The following CSMD1 variants were observed in gnomAD, a reference collection of about 807,000 sequenced individuals.
CSMD1 encodes CUB and Sushi multiple domains 1, also known as CUB and sushi domain-containing protein 1.
In CSMD1, 213 loss-of-function variants were observed where a neutral mutation model predicts 417.5. The ratio of observed to expected loss-of-function variants is 0.51; its 90% CI spans 0.46 to 0.57. The LOEUF is 0.57. Among genes scored for constraint, CSMD1 ranks in the 20% least tolerant of loss-of-function variants. CSMD1 has a pLI of 0.00. For synonymous variants in CSMD1, 2,862 were observed against 1,736.8 expected, an observed-to-expected ratio of 1.65 and a Z score of -16.11; for missense variants, 6,923 against 4,529.7, an observed-to-expected ratio of 1.53 and a Z score of -15.17.
At chr8:4,335,341 G>C (rs934019401) in intron 3 of CSMD1, among the ~76,000 whole-genome samples, 16 of 152,088 alleles carry the variant, frequency 1.1e-4, no homozygotes, top group South Asian at 1.0e-3. Flanking sequence ...TGTGGGGAAA[G>C]GCACAAACAT....
intron 3 of CSMD1, among the ~76,000 whole-genome samples, chr8:4,047,300 CAT>C (rs1157040591): frequency 6.6e-6 from 1 of 152,014 alleles, no homozygotes; most frequent in Non-Finnish European, 1.5e-5. Flanking sequence ...AGGAGAGAGA[CAT>C]AAAGTGGAAT....
intron 15 of CSMD1, among the ~76,000 whole-genome samples, chr8:3,401,256 G>A (rs1020086272): frequency 2.6e-5 from 4 of 152,022 alleles, no homozygotes; most frequent in Non-Finnish European, 5.9e-5. Context: ...TGCATGATAA[G>A]TTATTTCTAT....
chr8:4,106,964 C>A (rs1019505083), intron 3 of CSMD1, among the ~76,000 whole-genome samples: 2 of 152,174 alleles, frequency 1.3e-5, no homozygotes, highest in Admixed American at 1.3e-4. Context: ...GGGAGAAGCT[C>A]TACGTCAGAG....
At chr8:3,523,456 G>C (rs1431430914) in intron 10 of CSMD1, among the ~76,000 whole-genome samples, 1 of 152,114 alleles carries the variant, frequency 6.6e-6, no homozygotes, top group East Asian at 1.9e-4. Context: ...GAGAGAATAA[G>C]GTGCCTAAAG....
At chr8:3,609,771 A>G (rs1386180447) in intron 8 of CSMD1, among the ~76,000 whole-genome samples, 6 of 150,170 alleles carry the variant, frequency 4.0e-5, no homozygotes, top group Non-Finnish European at 5.9e-5. Context: ...CTTTCATTAA[A>G]GAGAGTCTCA....
At chr8:3,559,710 A>G (rs1181952047) in intron 10 of CSMD1, among the ~76,000 whole-genome samples, 1 of 152,194 alleles carries the variant, frequency 6.6e-6, no homozygotes, top group Non-Finnish European at 1.5e-5. Flanking sequence ...ATGATCACAT[A>G]TTGATTGTAT....
At chr8:3,055,582 C>A (rs918909458) in intron 49 of CSMD1, among the ~76,000 whole-genome samples, 6 of 152,108 alleles carry the variant, frequency 3.9e-5, no homozygotes, top group East Asian at 1.9e-4. Flanking sequence ...GATAGGCATC[C>A]ATAGATCACT....
chr8:4,014,494 T>A (rs1323905638), intron 4 of CSMD1, among the ~76,000 whole-genome samples: 1 of 152,220 alleles, frequency 6.6e-6, no homozygotes, highest in Non-Finnish European at 1.5e-5. Context: ...TGGCTTCTTT[T>A]GATGTCTGTT....
At chr8:4,702,521 A>G (rs771295647) in intron 1 of CSMD1, among the ~76,000 whole-genome samples, 31 of 152,194 alleles carry the variant, frequency 2.0e-4, no homozygotes, top group Non-Finnish European at 2.8e-4. Flanking sequence ...AAAAATATTT[A>G]CCAGCTTAAA....
intron 1 of CSMD1, among the ~76,000 whole-genome samples, chr8:4,689,726 T>C (rs1806643651): frequency 6.6e-6 from 1 of 152,214 alleles, no homozygotes. Context: ...AGATCGTCTT[T>C]GGCTGCAGTT....
At chr8:4,819,354 T>A (rs1799388012) in intron 1 of CSMD1, among the ~76,000 whole-genome samples, 1 of 152,204 alleles carries the variant, frequency 6.6e-6, no homozygotes. Context: ...ATGTGTCCAT[T>A]TACTTGACAT....
At chr8:3,681,159 A>G (rs1296076606) in intron 7 of CSMD1, among the ~76,000 whole-genome samples, 1 of 152,194 alleles carries the variant, frequency 6.6e-6, no homozygotes, top group Admixed American at 6.5e-5. Context: ...CACCACTCCT[A>G]TTCAACATAG....
intron 5 of CSMD1, among the ~76,000 whole-genome samples, chr8:3,978,949 T>G (rs1339921196): frequency 6.6e-6 from 1 of 152,194 alleles, no homozygotes; most frequent in Admixed American, 6.5e-5. Flanking sequence ...AGCCACAGGT[T>G]CCACTGTTTT....
In CSMD1 at chr8:4,072,750, C is replaced by T. The variant is rs2552127; in HGVS notation, c.416-40651G>A. On this transcript the variant is annotated intron_variant, in intron 3 of 69. Transcript: ENST00000635120. ...AAGTGTTTACAACTTTTGCCTTACT[C>T]TCTGCAATTCCTTCACATGGAGCCT... Among the ~76,000 whole-genome samples the T allele has an allele frequency of 7.6e-3, 1,163 of 152,282 alleles. 14 individuals carry two copies. Among genetic ancestry groups the T allele is most frequent in the African/African-American group, 0.027 (1,118 of 41,546 alleles).
intron 13 of CSMD1, among the ~76,000 whole-genome samples, chr8:3,408,654 T>G (rs1812496942): frequency 6.6e-6 from 1 of 152,232 alleles, no homozygotes; most frequent in East Asian, 1.9e-4. Flanking sequence ...GAGTGCATTT[T>G]CTCCAGTAAT....
intron 2 of CSMD1, among the ~76,000 whole-genome samples, chr8:4,424,243 A>G (rs1231334373): frequency 6.6e-6 from 1 of 152,096 alleles, no homozygotes; most frequent in African/African-American, 2.4e-5. Flanking sequence ...CATTAAGAGA[A>G]TAAAAGTGTA....
At chr8:3,588,983 C>G (rs1412977497) in intron 8 of CSMD1, among the ~76,000 whole-genome samples, 5 of 152,106 alleles carry the variant, frequency 3.3e-5, no homozygotes, top group Non-Finnish European at 1.5e-5. Flanking sequence ...GAAAGGTGCT[C>G]CGTGTCACTA....
At chr8:4,957,585 C>G (rs547143633) in intron 1 of CSMD1, among the ~76,000 whole-genome samples, 1 of 152,032 alleles carries the variant, frequency 6.6e-6, no homozygotes, top group African/African-American at 2.4e-5. Flanking sequence ...TAAAAATAAT[C>G]TTGTGAAAGA....
chr8:3,937,474 C>A (rs1037819746), intron 5 of CSMD1, among the ~76,000 whole-genome samples: 1 of 152,106 alleles, frequency 6.6e-6, no homozygotes, highest in Non-Finnish European at 1.5e-5. Flanking sequence ...GACGAAAGAC[C>A]TTCCACCAGC....
Sources: allele counts gnomAD v4.1 joint callset (sites outside exome capture counted in the v4.1 genomes callset), GRCh38; gene constraint gnomAD v4.1.1; transcripts MANE v1.5; gene names NCBI Gene and HGNC (gene_info 2026-07-23, HGNC 2026-07-21).